The following DTNA variants were observed in gnomAD, a reference collection of about 807,000 sequenced individuals.
DTNA encodes dystrobrevin alpha, also known as dystrophin-related protein 3.
A neutral mutation model predicts 100.7 loss-of-function variants in DTNA; 43 were observed. That is an observed-to-expected ratio of 0.43 (90% CI 0.33 to 0.55). The LOEUF is 0.55. Among genes scored for constraint, DTNA ranks in the 20% least tolerant of loss-of-function variants. The pLI is 0.04. For synonymous variants in DTNA, 349 were observed against 347.9 expected (o/e 1.00, Z -0.04); for missense variants, 798 against 953.9 (o/e 0.84, Z 2.15).
chr18:34,587,776 C>G (rs1311053866), intron 1 of DTNA, among the ~76,000 whole-genome samples: 1 of 152,154 alleles, frequency 6.6e-6, no homozygotes, highest in Non-Finnish European at 1.5e-5. Flanking sequence ...AAAGGCTAAT[C>G]TTTATCACAA....
chr18:34,858,907 G>A (rs919576659), intron 16 of DTNA, among the ~76,000 whole-genome samples: 4 of 152,146 alleles, frequency 2.6e-5, no homozygotes, highest in East Asian at 1.9e-4. Flanking sequence ...CACCACACCC[G>A]GCCAGCAGTG....
At chr18:34,586,273 T>C (rs1358132072) in intron 1 of DTNA, among the ~76,000 whole-genome samples, 1 of 152,218 alleles carries the variant, frequency 6.6e-6, no homozygotes, top group Non-Finnish European at 1.5e-5. Context: ...AATGTGGTGG[T>C]GTTGGGACGT....
chr18:34,742,660 T>TATTATCTATCTAGATAGATAATAG lies in DTNA; in HGVS notation c.-1-13304_-1-13303insGATAGATAATAGATTATCTATCTA, dbSNP rs1415839710. On this transcript the variant is annotated intron_variant, in intron 1 of 22. Coordinates refer to ENST00000444659, the MANE Select transcript of DTNA (RefSeq NM_001386795.1). The stretch of plus-strand genomic sequence containing the variant: ...TATCTATCTAGATAGATAGATAATC[T>TATTATCTATCTAGATAGATAATAG]ATTATCTATCTATTCCCATTATCCT... Among the ~76,000 whole-genome samples the TATTATCTATCTAGATAGATAATAG allele has an allele frequency of 4.0e-5, 6 of 151,830 alleles. No individual in the cohort carries two copies. The East Asian group carries it at 1.2e-3, about 29-fold the overall frequency.
At chr18:34,640,728 A>G (rs1259865733) in intron 1 of DTNA, among the ~76,000 whole-genome samples, 2 of 152,236 alleles carry the variant, frequency 1.3e-5, no homozygotes, top group African/African-American at 2.4e-5. Flanking sequence ...TGTTTGCTTC[A>G]TCTTTAAAAA....
chr18:34,795,756 T>G (rs191710504), intron 4 of DTNA, among the ~76,000 whole-genome samples: 1 of 152,144 alleles, frequency 6.6e-6, no homozygotes, highest in Non-Finnish European at 1.5e-5. Flanking sequence ...AGCCAAATAA[T>G]CATTTGCACC....
intron 1 of DTNA, among the ~76,000 whole-genome samples, chr18:34,567,420 T>C (rs2047180889): frequency 6.6e-6 from 1 of 152,170 alleles, no homozygotes; most frequent in African/African-American, 2.4e-5. Flanking sequence ...TATTTTTAGA[T>C]TGGGAATTTA....
chr18:34,862,662 T>C (rs1396063295), intron 16 of DTNA, among the ~76,000 whole-genome samples: 2 of 152,048 alleles, frequency 1.3e-5, no homozygotes, highest in Non-Finnish European at 2.9e-5. Context: ...TAGTCAGGCA[T>C]GGTGGCACAT....
intron 1 of DTNA, among the ~76,000 whole-genome samples, chr18:34,675,878 C>G (rs531357102): frequency 2.0e-5 from 3 of 152,224 alleles, no homozygotes; most frequent in Non-Finnish European, 4.4e-5. Flanking sequence ...GAAAAAAGTT[C>G]CTGCCTTTGT....
chr18:34,547,252 G>A (rs999892706), intron 1 of DTNA, among the ~76,000 whole-genome samples: 7 of 151,880 alleles, frequency 4.6e-5, no homozygotes, highest in Admixed American at 3.3e-4. Context: ...ATCATAGAGA[G>A]CTATTGTTAT....
intron 4 of DTNA, among the ~76,000 whole-genome samples, chr18:34,803,056 A>G (rs1167153182): frequency 6.6e-6 from 1 of 152,112 alleles, no homozygotes; most frequent in Admixed American, 6.6e-5. Flanking sequence ...TCACTCCTCA[A>G]ACCGCATAAA....
At chr18:34,794,399 T>A (rs1157829433) in intron 4 of DTNA, 149 bp downstream of exon 4, 4 of 871,184 alleles carry the variant, frequency 4.6e-6, no homozygotes, top group Non-Finnish European at 7.1e-6. Flanking sequence ...CAGTAAAGTC[T>A]CCATGTGTTT....
chr18:34,674,749 A>G (rs1289870206), intron 1 of DTNA, among the ~76,000 whole-genome samples: 1 of 152,362 alleles, frequency 6.6e-6, no homozygotes, highest in East Asian at 1.9e-4. Context: ...GATGATTGCT[A>G]TTCATCATTA....
At chr18:34,664,493 T>C (rs1476871081) in intron 1 of DTNA, among the ~76,000 whole-genome samples, 2 of 152,050 alleles carry the variant, frequency 1.3e-5, no homozygotes, top group African/African-American at 4.8e-5. Flanking sequence ...CTTAGAATAG[T>C]ATGCAAGTGG....
At position 34,587,067 on chromosome 18, in the gene DTNA, A is replaced by G. The variant is rs1212181462; in HGVS notation, c.-2+93553A>G. 2.6e-5 allele frequency among the ~76,000 whole-genome samples: 4 copies of G among 151,882 alleles called. No homozygotes were observed. The East Asian group carries it at 7.7e-4, about 29-fold the overall frequency. ...AGTTTCAAAGTCCTGGGCTCAAGCA[A>G]TCCTTCCATCTCAGCCCCCCTACTT... On this transcript the variant is annotated intron_variant, in intron 1 of 19. Transcript: ENST00000283365.
At chr18:34,804,178 G>A (rs1292377063) in intron 4 of DTNA, among the ~76,000 whole-genome samples, 1 of 152,148 alleles carries the variant, frequency 6.6e-6, no homozygotes, top group Non-Finnish European at 1.5e-5. Context: ...ATGGATGGGA[G>A]GGTTGTGGGC....
At chr18:34,825,836 T>C (rs1046512664) in intron 9 of DTNA, among the ~76,000 whole-genome samples, 2 of 152,138 alleles carry the variant, frequency 1.3e-5, no homozygotes, top group East Asian at 3.8e-4. Context: ...ATCAGAAGTG[T>C]GGGGTCAAGT....
intron 1 of DTNA, among the ~76,000 whole-genome samples, chr18:34,506,336 G>C (rs1467620497): frequency 6.6e-6 from 1 of 152,106 alleles, no homozygotes; most frequent in African/African-American, 2.4e-5. Context: ...ACAACATAGT[G>C]GGGGTGAGGA....
intron 1 of DTNA, among the ~76,000 whole-genome samples, chr18:34,694,851 A>G (rs1268864967): frequency 6.6e-6 from 1 of 152,204 alleles, no homozygotes; most frequent in Non-Finnish European, 1.5e-5. Flanking sequence ...ATAAGGTTAC[A>G]TTCTTCCCAT....
intron 1 of DTNA, among the ~76,000 whole-genome samples, chr18:34,698,168 G>A (rs1395429471): frequency 6.6e-6 from 1 of 152,126 alleles, no homozygotes; most frequent in African/African-American, 2.4e-5. Flanking sequence ...CCCCTGATGT[G>A]TCAACATTGT....
Sources: allele counts gnomAD v4.1 joint callset (sites outside exome capture counted in the v4.1 genomes callset), GRCh38; gene constraint gnomAD v4.1.1; transcripts MANE v1.5; gene names NCBI Gene and HGNC (gene_info 2026-07-23, HGNC 2026-07-21).